Variants in GRM5 observed in about 807,000 individuals in gnomAD.
The protein encoded by GRM5 is metabotropic glutamate receptor 5.
GRM5 carries 19 observed loss-of-function variants against 83.1 expected under a neutral mutation model. The ratio of observed to expected loss-of-function variants is 0.23; its 90% CI spans 0.16 to 0.34. The LOEUF is 0.34. Ranked by LOEUF, GRM5 falls within the 10% of genes least tolerant of loss-of-function variation. GRM5 has a pLI of 1.00. For synonymous variants in GRM5, 675 were observed against 633.6 expected, an observed-to-expected ratio of 1.07 and a Z score of -0.98; for missense variants, 1,160 against 1,588.3, an observed-to-expected ratio of 0.73 and a Z score of 4.58.
intron 3 of GRM5, among the ~76,000 whole-genome samples, chr11:88,813,143 G>C (rs545557914): frequency 4.6e-5 from 7 of 152,202 alleles, no homozygotes; most frequent in African/African-American, 1.7e-4. Flanking sequence ...CCAAAATTTA[G>C]ATTTCTTGCA....
At chr11:88,773,649 C>T (rs373719689) in intron 3 of GRM5, among the ~76,000 whole-genome samples, 7 of 152,088 alleles carry the variant, frequency 4.6e-5, no homozygotes, top group East Asian at 1.9e-4. Flanking sequence ...GGAAGGGATC[C>T]AGTTTCAGCT....
At chr11:89,019,709 C>A (rs1366245597) in intron 2 of GRM5, among the ~76,000 whole-genome samples, 1 of 151,902 alleles carries the variant, frequency 6.6e-6, no homozygotes. Flanking sequence ...CTCTGTCAAA[C>A]AACAACAACA....
intron 2 of GRM5, among the ~76,000 whole-genome samples, chr11:88,892,211 A>G (rs1274831310): frequency 2.0e-5 from 3 of 151,304 alleles, no homozygotes; most frequent in African/African-American, 7.3e-5. Context: ...TTATTTTATC[A>G]AAGCTTTGAC....
chr11:88,566,813 C>A (rs772552599), intron 8 of GRM5, among the ~76,000 whole-genome samples: 1 of 152,146 alleles, frequency 6.6e-6, no homozygotes, highest in Non-Finnish European at 1.5e-5. Context: ...ACTCCCCCTA[C>A]GCTGTAACTC....
At chr11:88,600,451 C>G (rs1331765250) in intron 5 of GRM5, among the ~76,000 whole-genome samples, 1 of 151,890 alleles carries the variant, frequency 6.6e-6, no homozygotes, top group East Asian at 1.9e-4. Context: ...CCCTTCCTTC[C>G]CCTTACTCTC....
chr11:88,583,105 T>TATTA (rs1358990382), intron 7 of GRM5, among the ~76,000 whole-genome samples: 1 of 151,162 alleles, frequency 6.6e-6, no homozygotes, highest in Admixed American at 6.6e-5. Flanking sequence ...TGTGCTTATT[T>TATTA]ATTAAAAGGC....
intron 3 of GRM5, among the ~76,000 whole-genome samples, chr11:88,753,146 A>G (rs1054863805): frequency 2.0e-5 from 3 of 152,226 alleles, no homozygotes; most frequent in East Asian, 1.9e-4. Flanking sequence ...AGAGCAAAAT[A>G]AACTATCAGA....
chr11:89,034,893 G>T (rs1941349306), intron 2 of GRM5, among the ~76,000 whole-genome samples: 3 of 132,290 alleles, frequency 2.3e-5, no homozygotes, highest in Admixed American at 8.1e-5. Context: ...AAGAGGCTTT[G>T]CTGTTATCAA....
At chr11:88,839,813 A>T (rs1021964794) in intron 3 of GRM5, among the ~76,000 whole-genome samples, 1 of 152,210 alleles carries the variant, frequency 6.6e-6, no homozygotes, top group Non-Finnish European at 1.5e-5. Context: ...AATCCTTACA[A>T]ATAACATAAT....
chr11:88,736,460 A>G (rs1188290049), intron 3 of GRM5, among the ~76,000 whole-genome samples: 1 of 152,068 alleles, frequency 6.6e-6, no homozygotes, highest in Non-Finnish European at 1.5e-5. Flanking sequence ...GTCAACTCAA[A>G]AACAGGGCAG....
intron 2 of GRM5, among the ~76,000 whole-genome samples, chr11:88,853,994 G>A (rs1268132594): frequency 6.7e-6 from 1 of 148,316 alleles, no homozygotes; most frequent in Non-Finnish European, 1.5e-5. Flanking sequence ...TCATGTTCAT[G>A]GCAGCATTAT....
chr11:88,656,439 C>T (rs911542706), intron 3 of GRM5, among the ~76,000 whole-genome samples: 1 of 152,128 alleles, frequency 6.6e-6, no homozygotes, highest in African/African-American at 2.4e-5. Context: ...ATATTGGTGG[C>T]ATTTTTGCAG....
At chr11:88,512,440 C>T (rs549371996) in intron 9 of GRM5, 2 of 154,360 alleles carry the variant, frequency 1.3e-5, no homozygotes, top group South Asian at 2.0e-4. Flanking sequence ...AAGAAACTCC[C>T]TACTCACGAC....
At position 88,960,286 on chromosome 11, in the gene GRM5, A is replaced by C. The variant is rs576886; in HGVS notation, c.661+86926T>G. On this transcript the variant is annotated intron_variant, in intron 2 of 9. Transcript: ENST00000305447. ...TGTAAAAAGAACAGAGACATTATCC[A>C]ATAATTAACACATATTACAATTACT... Among the ~76,000 whole-genome samples the C allele has an allele frequency of 1.1e-4, 16 of 152,352 alleles. 1 individual carries two copies. The South Asian group carries it at 2.9e-3, about 28-fold the overall frequency.
intron 2 of GRM5, among the ~76,000 whole-genome samples, chr11:88,900,396 G>A (rs978515090): frequency 1.3e-5 from 2 of 152,144 alleles, no homozygotes; most frequent in African/African-American, 4.8e-5. Flanking sequence ...AAGTCAGTGT[G>A]ACAAACTGAA....
At chr11:88,688,561 G>C (rs960960165) in intron 3 of GRM5, among the ~76,000 whole-genome samples, 1 of 152,034 alleles carries the variant, frequency 6.6e-6, no homozygotes, top group Non-Finnish European at 1.5e-5. Context: ...ATTAAATATA[G>C]CCTAATGAAA....
chr11:88,863,444 A>G (rs1944604728), intron 2 of GRM5, among the ~76,000 whole-genome samples: 2 of 152,154 alleles, frequency 1.3e-5, no homozygotes, highest in Admixed American at 1.3e-4. Flanking sequence ...AAAATGAATG[A>G]GATCATGTCC....
In GRM5 at chr11:88,952,117, TACAA is replaced by T. The variant is rs904358080; in HGVS notation, c.661+95091_661+95094del. On this transcript the variant is annotated intron_variant, in intron 2 of 9. Transcript: ENST00000305447. The stretch of plus-strand genomic sequence containing the variant: ...CTCGCTCTCTTCCACCATGTGCACA[TACAA>T]ACAAACACACACACACACACACACA... Among the ~76,000 whole-genome samples, 33 of 52,988 alleles carry T rather than the reference TACAA, an allele frequency of 6.2e-4. No individual in the cohort carries two copies. In the East Asian group the frequency reaches 6.5e-3, roughly 10 times the overall value. The allele number at this position is 52,988 out of a possible 152,430, so 34.8% of individuals were successfully genotyped here. A position where few individuals can be genotyped will look rare whatever the true frequency, so the allele number is the denominator to read the frequency against.
At chr11:88,589,891 CAT>C (rs1389282440) in intron 7 of GRM5, among the ~76,000 whole-genome samples, 54 of 152,094 alleles carry the variant, frequency 3.6e-4, no homozygotes, top group Admixed American at 2.3e-3. Flanking sequence ...AAAATAAGCA[CAT>C]GAGTGCATTT....
Sources: allele counts gnomAD v4.1 joint callset (sites outside exome capture counted in the v4.1 genomes callset), GRCh38; gene constraint gnomAD v4.1.1; transcripts MANE v1.5; gene names NCBI Gene and HGNC (gene_info 2026-07-23, HGNC 2026-07-21).